The following CDH2 variants were observed in gnomAD, a reference collection of about 807,000 sequenced individuals.
CDH2 encodes the protein cadherin-2.
A neutral mutation model predicts 92.0 loss-of-function variants in CDH2; 17 were observed. The ratio of observed to expected loss-of-function variants is 0.18; its 90% confidence interval spans 0.13 to 0.28. The LOEUF (loss-of-function observed/expected upper bound fraction) is 0.28. Ranked by LOEUF, CDH2 falls within the 10% of genes least tolerant of loss-of-function variation. The pLI is 1.00. For missense variants in CDH2, 862 were observed against 1,133.1 expected (o/e 0.76, Z 3.44); for synonymous variants, 419 against 415.9 (o/e 1.01, Z -0.09).
At chr18:28,151,531 C>G (rs2016121785) in intron 1 of CDH2, among the ~76,000 whole-genome samples, 1 of 152,144 alleles carries the variant, frequency 6.6e-6, no homozygotes, top group Admixed American at 6.5e-5. Flanking sequence ...AGGTATCTAC[C>G]TACCCATTAA....
rs1051935100 is a variant in CDH2 at position 28,043,477 on chromosome 18, T to A, written c.173-29568A>T. Reference sequence around the variant, plus strand: ...ATATAAATAAATATATATATATATATATATATATATATATATAAATATATA... The same window carrying A: ...ATATAAATAAATATATATATATATAAATATATATATATATATAAATATATA... On this transcript the variant is annotated intron_variant, in intron 2 of 15. Transcript: ENST00000269141. Among the ~76,000 whole-genome samples, 57 of 85,578 alleles carry A rather than the reference T, an allele frequency of 6.7e-4. 4 individuals are homozygous for A. The highest frequency in any genetic ancestry group is 0.011 in the Middle Eastern group (2 of 178). The allele number at this position is 85,578 out of a possible 152,430, so 56.1% of individuals were successfully genotyped here.
At chr18:28,119,646 T>C (rs770792718) in intron 2 of CDH2, among the ~76,000 whole-genome samples, 1 of 152,140 alleles carries the variant, frequency 6.6e-6, no homozygotes, top group Non-Finnish European at 1.5e-5. Flanking sequence ...ACCACCTCTA[T>C]TGTGCCCTAG....
intron 2 of CDH2, among the ~76,000 whole-genome samples, chr18:28,048,223 T>C (rs976518739): frequency 6.6e-6 from 1 of 152,118 alleles, no homozygotes; most frequent in Admixed American, 6.5e-5. Context: ...ATCCCACAGC[T>C]AATGGGCTGC....
rs1027567929 is a variant in CDH2, at chr18:27,985,111, C to A, written c.2098G>T (p.Val700Phe). 6.8e-6 allele frequency: 11 copies of A among 1,614,062 alleles called. No homozygotes were observed. Among genetic ancestry groups the A allele is most frequent in the Admixed American group, 3.3e-5 (2 of 60,012 alleles). The stretch of plus-strand genomic sequence containing the variant: ...TCCCCGTTGGAGTCACACTGGCAAA[C>A]CTTCACACGCAGGATGGAAATATTT... ...KSNISILRVK[V>F]CQCDSNGDCT... is the part of the protein sequence containing the mutation. The change falls in exon 13 of 16, where the codon GTT becomes TTT. Residue 700 changes from valine (V) to phenylalanine (F), a missense_variant. Val to Phe is a conservative substitution (Grantham distance 50). This residue lies in a region of CDH2 where 564 missense variants were observed against 722.2 expected (regional missense o/e 0.78). Transcript: ENST00000269141.
chr18:28,005,259 T>C (rs915126504), intron 6 of CDH2, among the ~76,000 whole-genome samples: 2 of 152,208 alleles, frequency 1.3e-5, no homozygotes, highest in Non-Finnish European at 2.9e-5. Flanking sequence ...GTGCTATTTC[T>C]AGGCCAGGGC....
chr18:28,082,438 T>C (rs998850720), intron 2 of CDH2, among the ~76,000 whole-genome samples: 16 of 152,106 alleles, frequency 1.1e-4, no homozygotes, highest in Non-Finnish European at 1.2e-4. Context: ...ATAATACTTA[T>C]AGGCATGGAT....
intron 2 of CDH2, among the ~76,000 whole-genome samples, chr18:28,076,909 T>C (rs1029839027): frequency 3.9e-5 from 6 of 152,154 alleles, no homozygotes; most frequent in Non-Finnish European, 8.8e-5. Context: ...CAAAAGAGTA[T>C]GAAAATTAAA....
Position 27,952,055 on chromosome 18 carries a change from T to G in CDH2, c.*98A>C. 9.4e-7 allele frequency: 1 copy of G among 1,062,808 alleles called. No individual in the cohort carries two copies. Among genetic ancestry groups the G allele is most frequent in the Admixed American group, 1.7e-5 (1 of 58,266 alleles). The allele number at this position is 1,062,808 out of a possible 1,614,324, so 65.8% of individuals were successfully genotyped here. On this transcript the variant is annotated 3_prime_UTR_variant, in exon 16 of 16. Transcript: ENST00000269141. The stretch of plus-strand genomic sequence containing the variant: ...CCAAAGCCTCCAGCAAGCACTGTGC[T>G]AGTAGACTACAAAGTTAAAGCCTAG...
At chr18:27,947,502 G>A (rs570153251), downstream of CDH2, among the ~76,000 whole-genome samples, 3 of 151,404 alleles carry the variant, frequency 2.0e-5, no homozygotes, top group Admixed American at 6.6e-5. Context: ...GAGAAAATGC[G>A]AAAAAAAGAA....
intron 2 of CDH2, among the ~76,000 whole-genome samples, chr18:28,057,207 G>T (rs1458558262): frequency 6.6e-6 from 1 of 152,014 alleles, no homozygotes; most frequent in Admixed American, 6.6e-5. Flanking sequence ...CATTGGACTG[G>T]GTAAGAATTC....
At position 28,104,206 on chromosome 18, in the gene CDH2, G is replaced by A. The variant is rs142800817; in HGVS notation, c.172+43467C>T. On this transcript the variant is annotated intron_variant, in intron 2 of 15. Transcript: ENST00000269141. ...ACACTCTTATCAAAAATTTCTTTAG[G>A]TTCTCTAACATATATTATGACCATA... Among the ~76,000 whole-genome samples, 196 of 151,962 alleles carry A rather than the reference G, an allele frequency of 1.3e-3. 1 individual carries two copies. The highest frequency in any genetic ancestry group is 4.6e-3 in the African/African-American group (192 of 41,426).
chr18:28,022,702 T>C (rs571256742), intron 2 of CDH2, among the ~76,000 whole-genome samples: 8 of 152,258 alleles, frequency 5.3e-5, no homozygotes, highest in African/African-American at 1.9e-4. Context: ...TTTCAAAATT[T>C]TTCCTATTAA....
At chr18:28,162,513 G>C (rs562546344) in intron 1 of CDH2, among the ~76,000 whole-genome samples, 21 of 151,970 alleles carry the variant, frequency 1.4e-4, no homozygotes, top group African/African-American at 5.1e-4. Flanking sequence ...GGCAGAAACT[G>C]CCTGCTTCTT....
At chr18:28,045,236 C>A (rs2014050471) in intron 2 of CDH2, among the ~76,000 whole-genome samples, 1 of 152,140 alleles carries the variant, frequency 6.6e-6, no homozygotes, top group East Asian at 1.9e-4. Context: ...CACATAGATT[C>A]TCTAAACCTC....
chr18:28,034,041 T>C (rs1381057257), intron 2 of CDH2, among the ~76,000 whole-genome samples: 3 of 152,076 alleles, frequency 2.0e-5, no homozygotes, highest in Non-Finnish European at 4.4e-5. Flanking sequence ...AGAAATTACA[T>C]TGATAATCAT....
chr18:28,042,827 C>T (rs2013974083), intron 2 of CDH2, among the ~76,000 whole-genome samples: 1 of 152,140 alleles, frequency 6.6e-6, no homozygotes, highest in Non-Finnish European at 1.5e-5. Context: ...AGAGTAAATG[C>T]TTCTAGCTGG....
intron 2 of CDH2, among the ~76,000 whole-genome samples, chr18:28,032,632 T>C (rs2013726344): frequency 6.6e-6 from 1 of 152,150 alleles, no homozygotes; most frequent in African/African-American, 2.4e-5. Flanking sequence ...ATATCATCTA[T>C]AATGATTCAA....
At chr18:27,946,338 A>T (rs531699999), downstream of CDH2, among the ~76,000 whole-genome samples, 2 of 152,208 alleles carry the variant, frequency 1.3e-5, no homozygotes, top group African/African-American at 2.4e-5. Flanking sequence ...AGAAAAAAGT[A>T]AAAAAGAAAA....
rs200611488 is a variant in CDH2, at chr18:28,138,229, T to TA, written c.172+9443dup. ...CCAGATAACGTTGAAGCTAGGACCTTAAAAAAAATCAACCAAAAGGTCTAA... is the reference window on the plus strand; with the variant it reads ...CCAGATAACGTTGAAGCTAGGACCTTAAAAAAAAATCAACCAAAAGGTCTAA... On this transcript the variant is annotated intron_variant, in intron 2 of 15. Transcript: ENST00000269141. Among the ~76,000 whole-genome samples the TA allele has an allele frequency of 1.0e-2, 1,512 of 151,922 alleles. 29 individuals carry two copies. The highest frequency in any genetic ancestry group is 0.035 in the African/African-American group (1,441 of 41,432).
Sources: gnomAD v4.1 joint callset for allele counts (sites outside exome capture counted in the v4.1 genomes callset) on GRCh38, gnomAD v4.1.1 for gene constraint, gnomAD v4.1.1 regional missense constraint, MANE v1.5 for transcripts, NCBI Gene and HGNC (gene_info 2026-07-23, HGNC 2026-07-21) for gene names.